ATP8B1: variants seen among roughly 807,000 people sequenced by gnomAD.
ATP8B1 encodes the protein ATPase phospholipid transporting 8B1.
Under a neutral mutation model 149.9 loss-of-function variants are expected in ATP8B1, and 80 were observed. The observed-to-expected ratio is 0.53, with a 90% CI of 0.45 to 0.64. ATP8B1 has a LOEUF of 0.64. ATP8B1 is among the 30% of genes least tolerant of loss of function. The pLI is 0.00. For synonymous variants in ATP8B1, 536 were observed against 562.8 expected (o/e 0.95, Z 0.67); for missense variants, 1,247 against 1,552.6 (o/e 0.80, Z 3.31).
At chr18:57,705,101 C>G (rs1193073870) in intron 3 of ATP8B1, among the ~76,000 whole-genome samples, 1 of 152,090 alleles carries the variant, frequency 6.6e-6, no homozygotes, top group Non-Finnish European at 1.5e-5. Context: ...AAGAAAGATA[C>G]TGATATTTCT....
chr18:57,688,742 A>C (rs1912384763), intron 12 of ATP8B1: 2 of 528,176 alleles, frequency 3.8e-6, no homozygotes, highest in South Asian at 4.1e-5. Context: ...GAATGGGATT[A>C]GTGCCCTTAT....
At chr18:57,699,903 C>T (rs1301245996) in intron 6 of ATP8B1, among the ~76,000 whole-genome samples, 1 of 152,160 alleles carries the variant, frequency 6.6e-6, no homozygotes, top group Non-Finnish European at 1.5e-5. Flanking sequence ...TAAAGAGGAG[C>T]TCTGGGTTGC....
At chr18:57,718,666 A>G (rs1261797375) in intron 2 of ATP8B1, among the ~76,000 whole-genome samples, 1 of 152,250 alleles carries the variant, frequency 6.6e-6, no homozygotes, top group Non-Finnish European at 1.5e-5. Flanking sequence ...TAAAAAGATC[A>G]TTCATCATGA....
intron 2 of ATP8B1, among the ~76,000 whole-genome samples, chr18:57,722,251 G>T (rs2079654427): frequency 6.6e-6 from 1 of 151,212 alleles, no homozygotes; most frequent in South Asian, 2.1e-4. Flanking sequence ...TAAAATCAGA[G>T]CAGAACTGAA....
chr18:57,790,346 G>A (rs988823346), intron 1 of ATP8B1, among the ~76,000 whole-genome samples: 15 of 131,840 alleles, frequency 1.1e-4, no homozygotes, highest in African/African-American at 4.4e-4. Context: ...TCCCCATATC[G>A]CAGTCTCTGG....
chr18:57,661,450 G>A lies in ATP8B1; in HGVS notation c.2431C>T (p.Leu811Phe). 1 of 1,613,352 alleles carries A rather than the reference G, an allele frequency of 6.2e-7. No individual in the cohort carries two copies. Among genetic ancestry groups the A allele is most frequent in the Non-Finnish European group, 8.5e-7 (1 of 1,179,762 alleles). ...TTATTTCTCTTGGTCTTTTTCTCGA[G>A]AAGAATTTCATTCTGTGAAATCAGA... ...ITGSWLNEIL[L>F]EKKTKRNKIL... The change falls in exon 22 of 28, where the codon CTC becomes TTC. Residue 811 changes from leucine (L) to phenylalanine (F), a missense_variant. Transcript: ENST00000648908.
At chr18:57,696,277 G>T (rs1016697806) in intron 8 of ATP8B1, among the ~76,000 whole-genome samples, 4 of 152,132 alleles carry the variant, frequency 2.6e-5, no homozygotes, top group African/African-American at 9.7e-5. Context: ...TAAACAGTCG[G>T]GCGCCGCGGC....
rs150844949 is a variant in ATP8B1 at position 57,803,023 on chromosome 18, G to A, written c.-51C>T. ...CTGGCGTTCGCTGGGCCCCGGCTGG[G>A]GCATCCGCCTGGTGCGCGCCGCTCG... On this transcript the variant is annotated 5_prime_UTR_variant, in exon 1 of 28. Transcript: ENST00000648908. 4.2e-3 allele frequency: 642 copies of A among 152,088 alleles called. 4 individuals carry two copies. The highest frequency in any genetic ancestry group is 0.01 in the Middle Eastern group (3 of 294). The allele number at this position is 152,088 out of a possible 1,614,324, so 9.4% of individuals were successfully genotyped here. A position where few individuals can be genotyped will look rare whatever the true frequency, so the allele number is the denominator to read the frequency against.
At chr18:57,727,625 C>A (rs997481368) in intron 2 of ATP8B1, among the ~76,000 whole-genome samples, 12 of 151,842 alleles carry the variant, frequency 7.9e-5, no homozygotes, top group African/African-American at 2.7e-4. Flanking sequence ...TCTGTCTCTA[C>A]TAAAAATACA....
intron 2 of ATP8B1, among the ~76,000 whole-genome samples, chr18:57,728,154 AAAAG>A (rs776692269): frequency 1.3e-5 from 2 of 152,188 alleles, no homozygotes; most frequent in South Asian, 4.1e-4. Context: ...CTTTAAAAAA[AAAAG>A]AAAGCAACTT....
rs1911100741 is a variant in ATP8B1 at position 57,669,500 on chromosome 18, A to G, written c.1933-18T>C. The G allele has an allele frequency of 1.2e-6, 2 of 1,603,928 alleles. No homozygotes were observed. Among genetic ancestry groups the G allele is most frequent in the East Asian group, 4.5e-5 (2 of 44,768 alleles). ...GCAAAGATCTGTTTTATTTAAAAAA[A>G]TAAATCCACCAATGCAAAGAATAGT... On this transcript the variant is annotated intron_variant, in intron 17 of 27. Coordinates refer to ENST00000648908, the MANE Select transcript of ATP8B1 (RefSeq NM_001374385.1).
chr18:57,723,080 G>A (rs2079664412), intron 2 of ATP8B1, among the ~76,000 whole-genome samples: 1 of 151,596 alleles, frequency 6.6e-6, no homozygotes, highest in African/African-American at 2.4e-5. Context: ...AGTAAATTAG[G>A]TATTGATGGG....
At chr18:57,735,266 C>T (rs1331147975) in intron 1 of ATP8B1, 3 of 160,956 alleles carry the variant, frequency 1.9e-5, no homozygotes, top group African/African-American at 2.4e-5. Flanking sequence ...GCAGGGCGCC[C>T]GCTGTGCTCC....
Position 57,692,425 on chromosome 18 carries a change from A to ATTTTT in ATP8B1, c.1030-433_1030-429dup, listed in dbSNP as rs10547283. ...AATGCTTATAGAAGATATTCAACAGATTTTTTTTTTTTTTTTTTTTTTTTT... is the reference window on the plus strand; with the variant it reads ...AATGCTTATAGAAGATATTCAACAGATTTTTTTTTTTTTTTTTTTTTTTTTTTTTT... On this transcript the variant is annotated intron_variant, in intron 11 of 27. Transcript: ENST00000648908. Among the ~76,000 whole-genome samples, 21 of 57,066 alleles carry ATTTTT rather than the reference A, an allele frequency of 3.7e-4. 1 individual carries two copies. The highest frequency in any genetic ancestry group is 1.3e-3 in the African/African-American group (19 of 14,862). 37.4% of individuals were successfully genotyped at this position (57,066 alleles called of 152,430 possible).
intron 3 of ATP8B1, 21 bp downstream of exon 3, chr18:57,706,469 T>C (rs763881011): frequency 6.2e-7 from 1 of 1,600,960 alleles, no homozygotes; most frequent in South Asian, 1.1e-5. Flanking sequence ...ATGAAAACAA[T>C]TCAGAAAGTT....
intron 27 of ATP8B1, among the ~76,000 whole-genome samples, chr18:57,649,190 A>ATATTTATCTATCTATCTATC (rs1909428262): frequency 2.0e-5 from 3 of 148,216 alleles, no homozygotes; most frequent in Non-Finnish European, 3.0e-5. Flanking sequence ...GTGCTTGGCT[A>ATATTTATCTATCTATCTATC]TATCTATCTA....
intron 22 of ATP8B1, among the ~76,000 whole-genome samples, chr18:57,658,777 C>T (rs577381715): frequency 2.0e-5 from 3 of 152,016 alleles, no homozygotes; most frequent in African/African-American, 4.8e-5. Context: ...GTAATCCTTC[C>T]GTCTCAGCCT....
chr18:57,652,636 A>G lies in ATP8B1; in HGVS notation c.3109T>C (p.Leu1037=). Residue 1037 remains leucine, a synonymous_variant, in exon 25 of 28, where the codon TTG becomes CTG. Transcript: ENST00000648908. ...ATCGATGTTAGGACCCCATGCAACA[A>G]GCTTACAAAGAATCTCTTATAGTTG... ...LFNYKRFFVS[L]LHGVLTSMIL... 6.2e-7 allele frequency: 1 copy of G among 1,614,224 alleles called. No homozygotes were observed. Among genetic ancestry groups the G allele is most frequent in the South Asian group, 1.1e-5 (1 of 91,088 alleles).
At position 57,671,496 on chromosome 18, in the gene ATP8B1, G is replaced by A. The variant is rs531921215; in HGVS notation, c.1904C>T (p.Thr635Ile). 5.0e-6 allele frequency: 8 copies of A among 1,613,688 alleles called. No homozygotes were observed. In the East Asian group the frequency reaches 1.8e-4, roughly 36 times the overall value. The change falls in exon 17 of 28, where the codon ACT becomes ATT. Residue 635 changes from threonine (T) to isoleucine (I), a missense_variant. Physicochemically the swap from Thr to Ile is moderately conservative, Grantham distance 89. This residue lies in a region of ATP8B1 where 853 missense variants were observed against 1,035.7 expected (regional missense o/e 0.82). Transcript: ENST00000648908. Reference sequence around the variant, plus strand: ...CAGGGCATCCTGTGTTTCTTGCTTAGTAGGATTCATTCGATGTAACCGTTC... The same window carrying A: ...CAGGGCATCCTGTGTTTCTTGCTTAATAGGATTCATTCGATGTAACCGTTC... ...IYERLHRMNP[T>I]KQETQDALDI...
Sources: gnomAD v4.1 joint callset for allele counts (sites outside exome capture counted in the v4.1 genomes callset) on GRCh38, gnomAD v4.1.1 for gene constraint, gnomAD v4.1.1 regional missense constraint, MANE v1.5 for transcripts, NCBI Gene and HGNC (gene_info 2026-07-23, HGNC 2026-07-21) for gene names.